Variants in SEMA3E observed in about 807,000 individuals in gnomAD.
SEMA3E encodes semaphorin-3E.
SEMA3E carries 49 observed loss-of-function variants against 93.6 expected under a neutral mutation model. The ratio of observed to expected loss-of-function variants is 0.52; its 90% CI spans 0.42 to 0.66. The LOEUF (loss-of-function observed/expected upper bound fraction) is 0.66, where lower values mean the gene tolerates loss of function less well. Ranked by LOEUF, SEMA3E falls within the 30% of genes least tolerant of loss-of-function variation. SEMA3E has a pLI of 0.00. For missense variants in SEMA3E, 906 were observed against 964.8 expected, an observed-to-expected ratio of 0.94 and a Z score of 0.81; for synonymous variants, 363 against 330.7, an observed-to-expected ratio of 1.10 and a Z score of -1.06.
chr7:83,580,449 C>G (rs775556338), intron 1 of SEMA3E, among the ~76,000 whole-genome samples: 11 of 151,952 alleles, frequency 7.2e-5, no homozygotes, highest in Non-Finnish European at 1.3e-4. Context: ...GCTGTATGCT[C>G]TGGTCATTTA....
intron 1 of SEMA3E, among the ~76,000 whole-genome samples, chr7:83,562,139 G>A (rs1792042061): frequency 6.6e-6 from 1 of 152,068 alleles, no homozygotes. Context: ...CATTTGAAAA[G>A]GATTTCTATT....
chr7:83,512,217 C>T (rs1436579515), intron 1 of SEMA3E, among the ~76,000 whole-genome samples: 3 of 152,088 alleles, frequency 2.0e-5, no homozygotes, highest in Non-Finnish European at 4.4e-5. Flanking sequence ...AGAAAGTGTG[C>T]TTGCTTGTTA....
chr7:83,424,524 T>G (rs1472603008), intron 4 of SEMA3E, among the ~76,000 whole-genome samples: 1 of 152,200 alleles, frequency 6.6e-6, no homozygotes, highest in African/African-American at 2.4e-5. Context: ...TTCTTGGTAA[T>G]TAAATCCCTA....
At chr7:83,380,740 A>G (rs1787759650) in intron 16 of SEMA3E, among the ~76,000 whole-genome samples, 1 of 151,954 alleles carries the variant, frequency 6.6e-6, no homozygotes, top group African/African-American at 2.4e-5. Flanking sequence ...AAGGCTGTAA[A>G]CTTCACAAGA....
At chr7:83,447,820 G>A (rs1475894849) in intron 4 of SEMA3E, among the ~76,000 whole-genome samples, 1 of 152,098 alleles carries the variant, frequency 6.6e-6, no homozygotes, top group African/African-American at 2.4e-5. Context: ...TCCAACAGTA[G>A]GATAACAAAA....
At chr7:83,426,055 T>C (rs118030356) in intron 4 of SEMA3E, among the ~76,000 whole-genome samples, 7,258 of 152,196 alleles carry the variant, frequency 0.048, 268 homozygotes, top group Admixed American at 0.077. Context: ...ATGGCTATTA[T>C]TAAAAAGTCA....
chr7:83,404,733 T>C (rs959315278), intron 9 of SEMA3E, among the ~76,000 whole-genome samples: 1 of 152,032 alleles, frequency 6.6e-6, no homozygotes, highest in African/African-American at 2.4e-5. Context: ...GAGCAAATGA[T>C]GAACGTGTTC....
chr7:83,626,815 T>A (rs577627830), intron 1 of SEMA3E, among the ~76,000 whole-genome samples: 11 of 152,324 alleles, frequency 7.2e-5, no homozygotes, highest in African/African-American at 2.6e-4. Context: ...CAATTTTAGA[T>A]CTTTCCCACT....
intron 1 of SEMA3E, among the ~76,000 whole-genome samples, chr7:83,635,100 C>T (rs952283899): frequency 2.6e-5 from 4 of 152,038 alleles, no homozygotes; most frequent in Non-Finnish European, 5.9e-5. Flanking sequence ...TACCATTCAT[C>T]TGACCAGAAA....
intron 1 of SEMA3E, among the ~76,000 whole-genome samples, chr7:83,527,807 T>C (rs1191176744): frequency 6.6e-6 from 1 of 152,004 alleles, no homozygotes; most frequent in African/African-American, 2.4e-5. Context: ...TCATTAGTGA[T>C]ATTTTGGGAA....
At chr7:83,434,328 A>T (rs1000392736) in intron 4 of SEMA3E, among the ~76,000 whole-genome samples, 1 of 152,162 alleles carries the variant, frequency 6.6e-6, no homozygotes, top group Non-Finnish European at 1.5e-5. Context: ...AATAATATTG[A>T]TAGTATTTTG....
At chr7:83,568,404 C>T (rs1479996636) in intron 1 of SEMA3E, among the ~76,000 whole-genome samples, 3 of 152,070 alleles carry the variant, frequency 2.0e-5, no homozygotes, top group Non-Finnish European at 4.4e-5. Context: ...ATAACAAAAC[C>T]AGCAAAGAGT....
intron 1 of SEMA3E, among the ~76,000 whole-genome samples, chr7:83,550,657 T>A (rs1791746833): frequency 1.3e-5 from 2 of 152,146 alleles, no homozygotes; most frequent in South Asian, 4.1e-4. Context: ...CCACCAGTTT[T>A]AGCATCTTAC....
intron 1 of SEMA3E, among the ~76,000 whole-genome samples, chr7:83,521,403 A>G (rs1791047392): frequency 6.6e-6 from 1 of 152,120 alleles, no homozygotes; most frequent in Non-Finnish European, 1.5e-5. Context: ...AAATTGCATT[A>G]TTGTTCATTA....
chr7:83,372,275 A>G, intron 16 of SEMA3E: 1 of 398,020 alleles, frequency 2.5e-6, no homozygotes, highest in East Asian at 3.6e-5. Context: ...ACGTCTTAGG[A>G]CATTGCCTTT....
At chr7:83,607,636 C>T (rs753743958) in intron 1 of SEMA3E, among the ~76,000 whole-genome samples, 1 of 152,088 alleles carries the variant, frequency 6.6e-6, no homozygotes, top group African/African-American at 2.4e-5. Context: ...TAAGTATGAT[C>T]AAGCTAAAGG....
chr7:83,618,659 TTAAAA>T (rs1793477029), intron 1 of SEMA3E, among the ~76,000 whole-genome samples: 1 of 152,106 alleles, frequency 6.6e-6, no homozygotes, highest in Admixed American at 6.6e-5. Context: ...GTTGCTGTTG[TTAAAA>T]TAAAATAGCT....
At chr7:83,460,604 C>T in intron 4 of SEMA3E, among the ~76,000 whole-genome samples, 1 of 150,762 alleles carries the variant, frequency 6.6e-6, no homozygotes, top group Non-Finnish European at 1.5e-5. Context: ...AACCCCTTCT[C>T]TCCTTGTCTC....
chr7:83,495,598 A>C (rs1053629030), intron 1 of SEMA3E, among the ~76,000 whole-genome samples: 1 of 151,926 alleles, frequency 6.6e-6, no homozygotes, highest in African/African-American at 2.4e-5. Flanking sequence ...ACGTATGGAA[A>C]CAAATTGTTT....
Sources: allele counts gnomAD v4.1 joint callset (sites outside exome capture counted in the v4.1 genomes callset), GRCh38; gene constraint gnomAD v4.1.1; transcripts MANE v1.5; gene names NCBI Gene and HGNC (gene_info 2026-07-23, HGNC 2026-07-21).